Variants in PDE6A observed in about 807,000 individuals in gnomAD.
PDE6A encodes rod cGMP-specific 3',5'-cyclic phosphodiesterase subunit alpha.
A neutral mutation model predicts 106.3 loss-of-function variants in PDE6A; 84 were observed. The observed-to-expected ratio is 0.79, with a 90% CI of 0.66 to 0.95. PDE6A has a LOEUF of 0.95. Ranked by LOEUF, PDE6A falls within the 40% of genes least tolerant of loss-of-function variation. PDE6A has a pLI of 0.00. For synonymous variants in PDE6A, 394 were observed against 386.6 expected, an observed-to-expected ratio of 1.02 and a Z score of -0.23; for missense variants, 1,052 against 1,084.9, an observed-to-expected ratio of 0.97 and a Z score of 0.43.
rs1242648563 is a variant in PDE6A at position 149,910,088 on chromosome 5, G to A, written c.999-2710C>T. On this transcript the variant is annotated intron_variant, in intron 6 of 21. Transcript: ENST00000255266. Reference sequence around the variant, plus strand: ...TATATTTTTTGAGGTCATGTTATGAGGTGCTTGCAAATTTAGAATGGTAAT... The same window carrying A: ...TATATTTTTTGAGGTCATGTTATGAAGTGCTTGCAAATTTAGAATGGTAAT... Among the ~76,000 whole-genome samples the A allele has an allele frequency of 3.3e-5, 5 of 152,086 alleles. No individual in the cohort carries two copies. The South Asian group carries it at 1.0e-3, about 32-fold the overall frequency.
Position 149,860,637 on chromosome 5 carries a change from A to G in PDE6A, c.*258T>C. 2.9e-6 allele frequency: 1 copy of G among 347,516 alleles called. No individual in the cohort carries two copies. Among genetic ancestry groups the G allele is most frequent in the Non-Finnish European group, 5.2e-6 (1 of 192,538 alleles). 21.5% of individuals were successfully genotyped at this position (347,516 alleles called of 1,614,324 possible). On this transcript the variant is annotated 3_prime_UTR_variant, in exon 22 of 22. Transcript: ENST00000255266. ...ATAAACTTTCTTAAAACATTATGAA[A>G]TTTTTTTTTTTGGCGATTTTTTTTT...
chr5:149,883,860 C>G (rs1323044665), intron 16 of PDE6A, among the ~76,000 whole-genome samples: 1 of 152,084 alleles, frequency 6.6e-6, no homozygotes, highest in East Asian at 1.9e-4. Flanking sequence ...ATAGTATATG[C>G]TAAATTAATT....
chr5:149,925,033 A>G (rs1294973873), intron 4 of PDE6A, among the ~76,000 whole-genome samples: 2 of 152,188 alleles, frequency 1.3e-5, no homozygotes, highest in East Asian at 1.9e-4. Flanking sequence ...CATCAGTTCA[A>G]TTCCTAAATG....
At chr5:149,914,554 T>C (rs1425458962) in intron 6 of PDE6A, among the ~76,000 whole-genome samples, 1 of 151,898 alleles carries the variant, frequency 6.6e-6, no homozygotes, top group Non-Finnish European at 1.5e-5. Context: ...TTTCTGATCC[T>C]CTTAGAGATT....
chr5:149,881,495 A>G (rs1021286667), intron 17 of PDE6A, among the ~76,000 whole-genome samples: 1 of 152,224 alleles, frequency 6.6e-6, no homozygotes, highest in African/African-American at 2.4e-5. Context: ...TAACACAAGA[A>G]TGGAAAACCA....
intron 19 of PDE6A, 28 bp downstream of exon 19, chr5:149,867,697 A>T: frequency 5.0e-6 from 8 of 1,602,788 alleles, no homozygotes; most frequent in Non-Finnish European, 6.0e-6. Flanking sequence ...CACACCTAAC[A>T]TCAGGCTGAC....
intron 5 of PDE6A, among the ~76,000 whole-genome samples, chr5:149,916,825 T>C (rs1158630074): frequency 6.6e-6 from 1 of 152,178 alleles, no homozygotes; most frequent in Non-Finnish European, 1.5e-5. Flanking sequence ...GCTCAGTGCT[T>C]TTCCTCTATG....
intron 1 of PDE6A, among the ~76,000 whole-genome samples, chr5:149,942,048 A>G (rs1320363244): frequency 6.6e-6 from 1 of 151,878 alleles, no homozygotes; most frequent in Non-Finnish European, 1.5e-5. Context: ...TGCAGCCTCA[A>G]CCTCCTGGGC....
At chr5:149,902,288 G>T (rs1300331068) in intron 8 of PDE6A, among the ~76,000 whole-genome samples, 1 of 151,964 alleles carries the variant, frequency 6.6e-6, no homozygotes, top group African/African-American at 2.4e-5. Flanking sequence ...TAAGTTTTGG[G>T]GACATATTTC....
chr5:149,941,026 G>A (rs1005867378), intron 1 of PDE6A, among the ~76,000 whole-genome samples: 3 of 152,190 alleles, frequency 2.0e-5, no homozygotes, highest in South Asian at 2.1e-4. Flanking sequence ...TGGAAATGCC[G>A]GAACACAGCT....
At chr5:149,871,893 A>G (rs552729348) in intron 17 of PDE6A, among the ~76,000 whole-genome samples, 20 of 152,336 alleles carry the variant, frequency 1.3e-4, no homozygotes, top group African/African-American at 4.1e-4. Context: ...CCAGACAGAT[A>G]TGGCACTTAG....
intron 17 of PDE6A, among the ~76,000 whole-genome samples, chr5:149,869,620 A>G (rs992461419): frequency 6.6e-6 from 1 of 152,210 alleles, no homozygotes; most frequent in Non-Finnish European, 1.5e-5. Flanking sequence ...TGCAGACTGT[A>G]TCTAGCAAGC....
At chr5:149,936,197 G>GGAAGGAAGGAAGGAAA (rs1754179629) in intron 1 of PDE6A, among the ~76,000 whole-genome samples, 1 of 151,682 alleles carries the variant, frequency 6.6e-6, no homozygotes, top group Non-Finnish European at 1.5e-5. Context: ...AAGGAAGGAA[G>GGAAGGAAGGAAGGAAA]GAAGGAATTC....
intron 19 of PDE6A, chr5:149,867,392 G>T (rs1035708923): frequency 1.2e-5 from 5 of 433,570 alleles, no homozygotes; most frequent in Non-Finnish European, 2.1e-5. Context: ...CTAAGTGTTG[G>T]AGTCCACTTG....
chr5:149,909,535 C>T (rs1049212374), intron 6 of PDE6A, among the ~76,000 whole-genome samples: 2 of 152,218 alleles, frequency 1.3e-5, no homozygotes, highest in South Asian at 4.1e-4. Flanking sequence ...CTTCATTCCA[C>T]ACACACCTTT....
Position 149,915,868 on chromosome 5 carries a change from T to TGCCATTA in PDE6A, c.934-862_934-861insTAATGGC, listed in dbSNP as rs1456268627. Among the ~76,000 whole-genome samples the TGCCATTA allele has an allele frequency of 3.0e-3, 455 of 152,342 alleles. 3 individuals carry two copies. Among genetic ancestry groups the TGCCATTA allele is most frequent in the African/African-American group, 0.01 (434 of 41,584 alleles). On this transcript the variant is annotated intron_variant, in intron 5 of 21. Coordinates refer to ENST00000255266, the MANE Select transcript of PDE6A (RefSeq NM_000440.3). ...AGTTGCTGAAACAACCTGCTGCAAC[T>TGCCATTA]CTAGGACTAATTTTACCCACTGCCA...
At chr5:149,866,326 C>T (rs887489005) in intron 19 of PDE6A, 73 bp from the exon 20 acceptor site, 4 of 1,095,926 alleles carry the variant, frequency 3.6e-6, no homozygotes, top group Non-Finnish European at 4.2e-6. Context: ...AGCATTCTTA[C>T]TAAAATCAAA....
rs763028879 is a variant in PDE6A, at chr5:149,869,977, TAAC to T, written c.2136-1822_2136-1820del. On this transcript the variant is annotated intron_variant, in intron 17 of 21. Transcript: ENST00000255266. ...GCTGTAAGAGTTACTCATGGAATAT[TAAC>T]AAGTTTAAATAAAATCTTTAATTAT... 6.6e-5 allele frequency among the ~76,000 whole-genome samples: 10 copies of T among 152,188 alleles called. No individual in the cohort carries two copies. In the East Asian group the frequency reaches 1.5e-3, roughly 23 times the overall value.
rs181869475 is a variant in PDE6A at position 149,932,641 on chromosome 5, C to T, written c.717+1289G>A. ...CTAATGCCTTCAGTATATTCCATTTCGTACGAATTCGACTAATTTCTGCCA... is the reference window on the plus strand; with the variant it reads ...CTAATGCCTTCAGTATATTCCATTTTGTACGAATTCGACTAATTTCTGCCA... On this transcript the variant is annotated intron_variant, in intron 3 of 21. Transcript: ENST00000255266. 53 of 1,613,566 alleles carry T rather than the reference C, an allele frequency of 3.3e-5. No homozygotes were observed. In the East Asian group the frequency reaches 9.8e-4, roughly 30 times the overall value.
Sources: gnomAD v4.1 joint callset for allele counts (sites outside exome capture counted in the v4.1 genomes callset) on GRCh38, gnomAD v4.1.1 for gene constraint, MANE v1.5 for transcripts, NCBI Gene and HGNC (gene_info 2026-07-23, HGNC 2026-07-21) for gene names.